LMF1: variants seen among roughly 807,000 people sequenced by gnomAD.
The protein encoded by LMF1 is lipase maturation factor 1, also known as transmembrane protein 112.
A neutral mutation model predicts 60.6 loss-of-function variants in LMF1; 68 were observed. That is an observed-to-expected ratio of 1.12 (90% CI 0.92 to 1.37). The LOEUF is 1.37. Among genes scored for constraint, LMF1 ranks in the 40% most tolerant of loss-of-function variants. LMF1 has a pLI of 0.00. For synonymous variants in LMF1, 418 were observed against 324.7 expected, an observed-to-expected ratio of 1.29 and a Z score of -3.09; for missense variants, 948 against 767.2, an observed-to-expected ratio of 1.24 and a Z score of -2.78.
Position 874,516 on chromosome 16 carries a change from G to A in LMF1, c.898-3175C>T, listed in dbSNP as rs1458580106. ...GGCTCCCGTGGGGTGCTGGCTGGGCGGCCGGGCTCTGCGGTCACTGCTCTT... is the reference window on the plus strand; with the variant it reads ...GGCTCCCGTGGGGTGCTGGCTGGGCAGCCGGGCTCTGCGGTCACTGCTCTT... On this transcript the variant is annotated intron_variant, in intron 6 of 10. Transcript: ENST00000262301. This position sits in a 1 kb window ranked among gnomAD's most constrained non-coding sequence, Gnocchi z 4.1. Among the ~76,000 whole-genome samples the A allele has an allele frequency of 2.6e-5, 4 of 152,186 alleles. No homozygotes were observed. Among genetic ancestry groups the A allele is most frequent in the African/African-American group, 9.6e-5 (4 of 41,454 alleles).
At chr16:908,426 C>A (rs777092459) in intron 4 of LMF1, among the ~76,000 whole-genome samples, 2 of 152,202 alleles carry the variant, frequency 1.3e-5, no homozygotes, top group Non-Finnish European at 2.9e-5. Context: ...CTGCCCGACA[C>A]CACGTCCAGA....
intron 4 of LMF1, chr16:900,023 G>C (rs117044721): frequency 6.6e-6 from 1 of 152,258 alleles, no homozygotes; most frequent in Non-Finnish European, 1.5e-5. Flanking sequence ...GCTCAGCTCC[G>C]ACACGCGTCC....
intron 2 of LMF1, among the ~76,000 whole-genome samples, chr16:941,728 C>T (rs1245229840): frequency 6.6e-6 from 1 of 152,208 alleles, no homozygotes; most frequent in African/African-American, 2.4e-5. Flanking sequence ...CATATCTTTG[C>T]ACTACTTTTA....
At chr16:960,001 T>G (rs1416402198) in intron 1 of LMF1, among the ~76,000 whole-genome samples, 6 of 152,040 alleles carry the variant, frequency 3.9e-5, no homozygotes, top group African/African-American at 1.2e-4. Context: ...AGCAATCAAA[T>G]GTGTGAAATG....
At chr16:968,807 G>A (rs1256226998) in intron 1 of LMF1, 1 of 152,222 alleles carries the variant, frequency 6.6e-6, no homozygotes, top group Non-Finnish European at 1.5e-5. Context: ...GATCAAAGGA[G>A]CCTCAGCTCG....
At chr16:855,793 G>A (rs1048794293) in intron 10 of LMF1, 16 of 456,016 alleles carry the variant, frequency 3.5e-5, no homozygotes, top group African/African-American at 2.2e-4. Context: ...GCCCGGTAGC[G>A]ACTGTCTGGG....
chr16:861,668 T>C (rs1307538022), intron 10 of LMF1, among the ~76,000 whole-genome samples: 2 of 152,144 alleles, frequency 1.3e-5, no homozygotes, highest in Non-Finnish European at 2.9e-5. Context: ...GCTTCATAAT[T>C]CTAGGAGTGT....
At chr16:883,487 C>T (rs1249038990) in intron 5 of LMF1, among the ~76,000 whole-genome samples, 1 of 152,228 alleles carries the variant, frequency 6.6e-6, no homozygotes, top group Non-Finnish European at 1.5e-5. Flanking sequence ...AGAAGCCAAA[C>T]AGTGTTGAAC....
At chr16:979,062 G>A (rs2073259233) in intron 1 of LMF1, 1 of 453,998 alleles carries the variant, frequency 2.2e-6, no homozygotes, top group Non-Finnish European at 4.4e-6. Flanking sequence ...AGCGTCTGCA[G>A]GGCAGGAGCT....
intron 2 of LMF1, among the ~76,000 whole-genome samples, chr16:940,284 C>A (rs747910431): frequency 6.6e-6 from 1 of 152,160 alleles, no homozygotes; most frequent in South Asian, 2.1e-4. Flanking sequence ...AGCCTCCCCA[C>A]GTGGTCACGG....
chr16:870,846 C>T lies in LMF1; in HGVS notation c.1115G>A (p.Gly372Asp), dbSNP rs770260895. 3 of 1,611,354 alleles carry T rather than the reference C, an allele frequency of 1.9e-6. No homozygotes were observed. The South Asian group carries it at 3.3e-5, about 18-fold the overall frequency. ...VVRRAANVSLGVLLAWLSVPV... is the reference protein window; with the variant it reads ...VVRRAANVSLDVLLAWLSVPV... Reference sequence around the variant, plus strand: ...CACGCTGAGCCAGGCCAGCAGGACGCCCAGCGAGACGTTGGCTGCACGCCG... The same window carrying T: ...CACGCTGAGCCAGGCCAGCAGGACGTCCAGCGAGACGTTGGCTGCACGCCG... The change falls in exon 8 of 11, where the codon GGC becomes GAC. Residue 372 changes from glycine (G) to aspartate (D), a missense_variant. Physicochemically the swap from Gly to Asp is moderately conservative, Grantham distance 94. Transcript: ENST00000262301.
chr16:965,117 A>G (rs28450391), intron 1 of LMF1, among the ~76,000 whole-genome samples: 31,742 of 152,226 alleles, frequency 0.21, 3,592 homozygotes, highest in African/African-American at 0.29. Context: ...AGCGTTGGGC[A>G]TTCCTTCTGC....
At chr16:895,891 ACGG>A (rs2070649455) in intron 4 of LMF1, among the ~76,000 whole-genome samples, 2 of 139,964 alleles carry the variant, frequency 1.4e-5, no homozygotes, top group African/African-American at 2.7e-5. Flanking sequence ...CGCAGGCTGC[ACGG>A]TCCACAGACA....
At position 853,810 on chromosome 16, in the gene LMF1, C is replaced by G. The variant is rs1053222489; in HGVS notation, c.*722G>C. 2.2e-6 allele frequency: 1 copy of G among 453,978 alleles called. No homozygotes were observed. Among genetic ancestry groups the G allele is most frequent in the Non-Finnish European group, 4.4e-6 (1 of 226,782 alleles). The allele number at this position is 453,978 out of a possible 1,614,324, so 28.1% of individuals were successfully genotyped here. On this transcript the variant is annotated 3_prime_UTR_variant, in exon 11 of 11. Transcript: ENST00000262301. ...GGCCTTGTCAAGGCCTCAGAGGCAGCGAGGTCACAGCCTGGTGGAGGGTCT... is the reference window on the plus strand; with the variant it reads ...GGCCTTGTCAAGGCCTCAGAGGCAGGGAGGTCACAGCCTGGTGGAGGGTCT...
intron 10 of LMF1, among the ~76,000 whole-genome samples, chr16:860,072 G>A (rs941722879): frequency 6.6e-6 from 1 of 152,116 alleles, no homozygotes; most frequent in African/African-American, 2.4e-5. Context: ...AAACGTCTCT[G>A]TGCTCATTTT....
intron 8 of LMF1, 120 bp downstream of exon 8, chr16:870,609 T>C: frequency 8.5e-7 from 1 of 1,173,388 alleles, no homozygotes; most frequent in Admixed American, 1.8e-5. Context: ...CAGGCTGGGG[T>C]GGGGCAGGGG....
chr16:956,777 G>A (rs1473281226), intron 1 of LMF1, among the ~76,000 whole-genome samples: 9 of 151,090 alleles, frequency 6.0e-5, no homozygotes, highest in African/African-American at 2.0e-4. Flanking sequence ...CTGGGAGGTG[G>A]AGGGTGCAGT....
At chr16:888,604 C>T (rs1051551462) in intron 5 of LMF1, among the ~76,000 whole-genome samples, 11 of 152,218 alleles carry the variant, frequency 7.2e-5, no homozygotes, top group Non-Finnish European at 2.9e-5. Context: ...GCTGTTGCAT[C>T]CGCGTCGTCA....
rs1222759273 is a variant in LMF1 at position 878,740 on chromosome 16, A to AAGGGCG, written c.897+824_897+829dup. On this transcript the variant is annotated intron_variant, in intron 6 of 10. Coordinates refer to ENST00000262301, the MANE Select transcript of LMF1 (RefSeq NM_022773.4). This position sits in a 1 kb window ranked among gnomAD's most constrained non-coding sequence, Gnocchi z 5.2. ...CTGGCAGGGGTGGGCAGGGCAGGGG[A>AAGGGCG]AGGGCGGGGGCAGGGGCGGGCAGGG... 5.1e-4 allele frequency among the ~76,000 whole-genome samples: 53 copies of AAGGGCG among 103,684 alleles called. No homozygotes were observed. The Middle Eastern group carries it at 0.012, about 23-fold the overall frequency. The allele number at this position is 103,684 out of a possible 152,430, so 68.0% of individuals were successfully genotyped here.
Sources: allele counts gnomAD v4.1 joint callset (sites outside exome capture counted in the v4.1 genomes callset), GRCh38; gene constraint gnomAD v4.1.1; non-coding constraint Gnocchi (gnomAD v3.1); transcripts MANE v1.5; gene names NCBI Gene and HGNC (gene_info 2026-07-23, HGNC 2026-07-21).